SGCD: variants seen among roughly 807,000 people sequenced by gnomAD.
SGCD encodes the protein sarcoglycan delta.
SGCD carries 18 observed loss-of-function variants against 36.6 expected under a neutral mutation model. The observed-to-expected ratio is 0.49, with a 90% CI of 0.34 to 0.73. The LOEUF is 0.73. Among genes scored for constraint, SGCD ranks in the 30% least tolerant of loss-of-function variants. SGCD has a pLI of 0.01. For synonymous variants in SGCD, 133 were observed against 130.6 expected (o/e 1.02, Z -0.12); for missense variants, 387 against 346.7 (o/e 1.12, Z -0.92).
the SGCD span, among the ~76,000 whole-genome samples, chr5:155,732,337 C>G: frequency 6.6e-6 from 1 of 152,164 alleles, no homozygotes; most frequent in African/African-American, 2.4e-5. Context: ...AAGTACAGTG[C>G]TAAAATTTGA....
At chr5:155,834,305 A>G in the SGCD span, among the ~76,000 whole-genome samples, 2 of 152,222 alleles carry the variant, frequency 1.3e-5, no homozygotes, top group African/African-American at 2.4e-5. Context: ...TGAAATGAGT[A>G]TTTCTGAGAA....
At chr5:156,604,840 A>G (rs1761360754) in intron 6 of SGCD, among the ~76,000 whole-genome samples, 1 of 131,182 alleles carries the variant, frequency 7.6e-6, no homozygotes, top group South Asian at 2.3e-4. Context: ...ATATTCACAC[A>G]TATATACATA....
chr5:156,732,524 A>G (rs762918235), intron 7 of SGCD, among the ~76,000 whole-genome samples: 18 of 152,104 alleles, frequency 1.2e-4, no homozygotes, highest in Non-Finnish European at 2.1e-4. Context: ...GGATTTTTGC[A>G]TCAATGTTCA....
rs552565488 is a variant in SGCD, at chr5:156,495,719, T to A, written c.193-12882T>A. Among the ~76,000 whole-genome samples, 12 of 152,314 alleles carry A rather than the reference T, an allele frequency of 7.9e-5. No homozygotes were observed. In the East Asian group the frequency reaches 2.1e-3, roughly 27 times the overall value. ...ATAGGCCTAATCATATTTCACTTAT[T>A]TTCTTTTATGTGGCTTCTTAAGATA... On this transcript the variant is annotated intron_variant, in intron 3 of 8. Coordinates refer to ENST00000337851, the MANE Select transcript of SGCD (RefSeq NM_000337.6).
chr5:156,304,898 C>T (rs1161193608), intron 3 of SGCD, among the ~76,000 whole-genome samples: 1 of 152,064 alleles, frequency 6.6e-6, no homozygotes, highest in Non-Finnish European at 1.5e-5. Flanking sequence ...GCATTTTGCC[C>T]CTGCCCTGGA....
chr5:155,732,807 C>T, the SGCD span, among the ~76,000 whole-genome samples: 149 of 152,288 alleles, frequency 9.8e-4, no homozygotes, highest in East Asian at 0.022. Context: ...CCCTCACTCC[C>T]GGATTCCAAC....
At chr5:156,071,128 C>T (rs1362002551) in intron 1 of SGCD, among the ~76,000 whole-genome samples, 2 of 152,122 alleles carry the variant, frequency 1.3e-5, no homozygotes, top group African/African-American at 4.8e-5. Context: ...GTCTCTATTT[C>T]CTTCAGTTCT....
chr5:155,971,120 T>C (rs553519869), intron 1 of SGCD, among the ~76,000 whole-genome samples: 3 of 152,306 alleles, frequency 2.0e-5, no homozygotes, highest in Non-Finnish European at 4.4e-5. Flanking sequence ...TTTGGGAAGA[T>C]CACCATCTGT....
chr5:156,421,188 A>C (rs1337905919), intron 3 of SGCD, among the ~76,000 whole-genome samples: 2 of 152,150 alleles, frequency 1.3e-5, no homozygotes, highest in African/African-American at 4.8e-5. Context: ...GAAAGGGTTT[A>C]AAATGGAGAT....
chr5:156,641,051 T>C (rs962558015), intron 6 of SGCD, among the ~76,000 whole-genome samples: 2 of 152,232 alleles, frequency 1.3e-5, no homozygotes, highest in Non-Finnish European at 2.9e-5. Context: ...ACTCAGTTCA[T>C]TTTAAATCTT....
intron 4 of SGCD, among the ~76,000 whole-genome samples, chr5:156,583,957 A>C (rs1004951225): frequency 1.3e-5 from 2 of 152,234 alleles, no homozygotes; most frequent in Admixed American, 6.5e-5. Context: ...CTTAATATGA[A>C]AAGTAAAACT....
chr5:156,244,703 T>C (rs1403439145), intron 3 of SGCD, among the ~76,000 whole-genome samples: 1 of 152,228 alleles, frequency 6.6e-6, no homozygotes, highest in Admixed American at 6.5e-5. Context: ...AAGATTTTAA[T>C]AGCCCCATTC....
intron 3 of SGCD, among the ~76,000 whole-genome samples, chr5:156,199,040 C>A (rs1358060528): frequency 6.6e-6 from 1 of 152,102 alleles, no homozygotes; most frequent in East Asian, 1.9e-4. Context: ...GAAATAAGGT[C>A]ATATATGCAA....
At chr5:155,996,068 T>A (rs1758537286) in intron 1 of SGCD, among the ~76,000 whole-genome samples, 1 of 151,542 alleles carries the variant, frequency 6.6e-6, no homozygotes, top group South Asian at 2.1e-4. Flanking sequence ...TTAGGTGTTG[T>A]TGAGGCTGGG....
At chr5:156,426,851 G>C (rs1447938195) in intron 3 of SGCD, among the ~76,000 whole-genome samples, 1 of 152,080 alleles carries the variant, frequency 6.6e-6, no homozygotes, top group Non-Finnish European at 1.5e-5. Context: ...TCAGTTGACT[G>C]TAAGTATTTT....
At chr5:156,484,485 C>T (rs1355884292) in intron 3 of SGCD, among the ~76,000 whole-genome samples, 2 of 152,238 alleles carry the variant, frequency 1.3e-5, no homozygotes, top group African/African-American at 4.8e-5. Context: ...TACTGCAATA[C>T]TCTGTAAAAG....
intron 4 of SGCD, among the ~76,000 whole-genome samples, chr5:156,520,812 T>C (rs1757370144): frequency 1.3e-5 from 2 of 151,970 alleles, no homozygotes; most frequent in Non-Finnish European, 1.5e-5. Context: ...GGTCAGGAGA[T>C]AGAGATGGTC....
rs1003583309 is a variant in SGCD at position 156,763,826 on chromosome 5, A to C, written c.*4436A>C. 3 of 152,136 alleles carry C rather than the reference A, an allele frequency of 2.0e-5. No homozygotes were observed. The highest frequency in any genetic ancestry group is 4.4e-5 in the Non-Finnish European group (3 of 68,028). 9.4% of individuals were successfully genotyped at this position (152,136 alleles called of 1,614,324 possible). ...AATGACCCCCATTTACCAGACCCTA[A>C]TCAAAGTCACTTAAGGGAATCCCTC... On this transcript the variant is annotated 3_prime_UTR_variant, in exon 9 of 9. Transcript: ENST00000337851.
chr5:155,857,924 A>G, the SGCD span, among the ~76,000 whole-genome samples: 1 of 152,120 alleles, frequency 6.6e-6, no homozygotes, highest in Admixed American at 6.5e-5. Flanking sequence ...CTACCATCTT[A>G]CTATTTGTTT....
Sources: allele counts gnomAD v4.1 joint callset (sites outside exome capture counted in the v4.1 genomes callset), GRCh38; gene constraint gnomAD v4.1.1; transcripts MANE v1.5; gene names NCBI Gene and HGNC (gene_info 2026-07-23, HGNC 2026-07-21).